The following MBTPS1 variants were observed in gnomAD, a reference collection of about 807,000 sequenced individuals.
MBTPS1 encodes the protein membrane-bound transcription factor site-1 protease.
MBTPS1 carries 94 observed loss-of-function variants against 127.8 expected under a neutral mutation model. The ratio of observed to expected loss-of-function variants is 0.74; its 90% CI spans 0.62 to 0.87. MBTPS1 has a LOEUF of 0.87. MBTPS1 is among the 40% of genes least tolerant of loss of function. The probability of loss-of-function intolerance (pLI) is 0.00; values close to 1 mark genes in which losing one functional copy is unlikely to be tolerated. For synonymous variants in MBTPS1, 632 were observed against 509.4 expected, an observed-to-expected ratio of 1.24 and a Z score of -3.24; for missense variants, 1,636 against 1,353.2, an observed-to-expected ratio of 1.21 and a Z score of -3.28.
At chr16:84,113,275 G>A (rs539717774) in intron 1 of MBTPS1, among the ~76,000 whole-genome samples, 1 of 152,104 alleles carries the variant, frequency 6.6e-6, no homozygotes, top group Admixed American at 6.5e-5. Flanking sequence ...AATGTTAACT[G>A]GATTTAATTT....
At chr16:84,066,413 A>C in intron 17 of MBTPS1, 76 bp downstream of exon 17, 1 of 1,467,118 alleles carries the variant, frequency 6.8e-7, no homozygotes, top group South Asian at 1.3e-5. Flanking sequence ...TCTCTTTCTC[A>C]AGAAATCTAG....
At chr16:84,113,156 A>T (rs529256824) in intron 1 of MBTPS1, among the ~76,000 whole-genome samples, 2 of 152,322 alleles carry the variant, frequency 1.3e-5, no homozygotes, top group South Asian at 4.1e-4. Flanking sequence ...AGGAAAAGAT[A>T]GCCTTTGAAA....
At chr16:84,084,888 G>T in intron 10 of MBTPS1, 95 bp downstream of exon 10, 1 of 1,391,518 alleles carries the variant, frequency 7.2e-7, no homozygotes, top group Non-Finnish European at 9.9e-7. Flanking sequence ...TCAAACCCAA[G>T]ACAGGGCAGA....
rs2086492361 is a variant in MBTPS1 at position 84,116,933 on chromosome 16, T to G, written c.-523A>C. 1 of 152,174 alleles carries G rather than the reference T, an allele frequency of 6.6e-6. No individual in the cohort carries two copies. Among genetic ancestry groups the G allele is most frequent in the Non-Finnish European group, 1.5e-5 (1 of 68,016 alleles). 9.4% of individuals were successfully genotyped at this position (152,174 alleles called of 1,614,324 possible). On this transcript the variant is annotated 5_prime_UTR_variant, in exon 1 of 23. Transcript: ENST00000343411. The stretch of plus-strand genomic sequence containing the variant: ...CTGTCCCGCGCTCCCGGGGCTTGCG[T>G]GCGCGCTCTGGACGCCGTGGGCAGC...
rs143659131 is a variant in MBTPS1, at chr16:84,083,753, C to T, written c.1286+1230G>A. On this transcript the variant is annotated intron_variant, in intron 10 of 22. Coordinates refer to ENST00000343411, the MANE Select transcript of MBTPS1 (RefSeq NM_003791.4). ...ATTAGCATAGAATAACTTCCAAATA[C>T]GCAGAGTTTTGTGTGTTATCACAAC... is the stretch of plus-strand genomic sequence containing the variant. Among the ~76,000 whole-genome samples, 7 of 152,272 alleles carry T rather than the reference C, an allele frequency of 4.6e-5. No individual in the cohort carries two copies. In the East Asian group the frequency reaches 5.8e-4, roughly 13 times the overall value.
rs757974180 is a variant in MBTPS1 at position 84,081,761 on chromosome 16, G to A, written c.1434C>T (p.Tyr478=). 2 of 1,422,366 alleles carry A rather than the reference G, an allele frequency of 1.4e-6. No homozygotes were observed. The highest frequency in any genetic ancestry group is 1.6e-5 in the South Asian group (1 of 61,522). 88.1% of individuals were successfully genotyped at this position (1,422,366 alleles called of 1,614,324 possible). A position where few individuals can be genotyped will look rare whatever the true frequency, so the allele number is the denominator to read the frequency against. The change falls in exon 11 of 23, where the codon TAC becomes TAT. Residue 478 remains tyrosine (Y), a synonymous_variant. Coordinates refer to ENST00000343411, the MANE Select transcript of MBTPS1 (RefSeq NM_003791.4). ...GGTGCACTGACCTTGCCTGTGGCTTGTAGCTGTTGAGGATCTGATAGGCTC... is the reference window on the plus strand; with the variant it reads ...GGTGCACTGACCTTGCCTGTGGCTTATAGCTGTTGAGGATCTGATAGGCTC... ...LLRAYQILNS[Y]KPQASLSPSY... is the part of the protein sequence containing the mutation.
rs2086115757 is a variant in MBTPS1 at position 84,091,924 on chromosome 16, G to C, written c.847-76C>G. ...TGCTAGGACAGTTTTTATTTCTAAG[G>C]CTCTTTTAAAATTACAAGTAGTTCT... is the stretch of plus-strand genomic sequence containing the variant. On this transcript the variant is annotated intron_variant, in intron 6 of 22. Transcript: ENST00000343411. 10 of 858,126 alleles carry C rather than the reference G, an allele frequency of 1.2e-5. No individual in the cohort carries two copies. The South Asian group carries it at 1.4e-4, about 12-fold the overall frequency. 53.2% of individuals were successfully genotyped at this position (858,126 alleles called of 1,614,324 possible).
chr16:84,056,260 T>C (rs2085520378), intron 21 of MBTPS1, 125 bp from the exon 22 acceptor site: 2 of 748,702 alleles, frequency 2.7e-6, no homozygotes, highest in African/African-American at 1.8e-5. Context: ...GAAATGCCAT[T>C]TGCGTCCACG....
At chr16:84,062,473 G>A (rs936648441) in intron 19 of MBTPS1, among the ~76,000 whole-genome samples, 2 of 152,162 alleles carry the variant, frequency 1.3e-5, no homozygotes, top group African/African-American at 4.8e-5. Flanking sequence ...ATAAATGCCA[G>A]GAATGTAGTC....
Position 84,095,816 on chromosome 16 carries a change from G to A in MBTPS1, c.422-11C>T. ...GTACTGTGGGGTCAGCTACAGGCAA[G>A]GGAGAGAAAGATCAGAACAGAAGAG... On this transcript the variant is annotated splice_polypyrimidine_tract_variant and intron_variant, in intron 3 of 22. Coordinates refer to ENST00000343411, the MANE Select transcript of MBTPS1 (RefSeq NM_003791.4). The A allele has an allele frequency of 6.2e-7, 1 of 1,610,564 alleles. No individual in the cohort carries two copies. Among genetic ancestry groups the A allele is most frequent in the African/African-American group, 1.3e-5 (1 of 75,000 alleles).
At chr16:84,068,587 G>A (rs2085725172) in intron 14 of MBTPS1, 133 bp from the exon 15 acceptor site, 2 of 653,444 alleles carry the variant, frequency 3.1e-6, no homozygotes, top group East Asian at 5.4e-5. Context: ...CTGGCCCACT[G>A]GCACAGGCAT....
intron 1 of MBTPS1, among the ~76,000 whole-genome samples, chr16:84,108,977 TAGAA>T (rs1414734524): frequency 6.6e-6 from 1 of 152,206 alleles, no homozygotes; most frequent in Non-Finnish European, 1.5e-5. Context: ...CTAACAGATG[TAGAA>T]AGAAAGAAAT....
At chr16:84,105,167 A>T (rs953825961) in intron 1 of MBTPS1, among the ~76,000 whole-genome samples, 1 of 152,166 alleles carries the variant, frequency 6.6e-6, no homozygotes, top group African/African-American at 2.4e-5. Context: ...CAAATTAAAA[A>T]TAATAATAAA....
Position 84,098,167 on chromosome 16 carries a change from G to A in MBTPS1, c.421+886C>T, listed in dbSNP as rs371745427. On this transcript the variant is annotated intron_variant, in intron 3 of 22. Transcript: ENST00000343411. ...ATGAAGTAGGAAAGACTAAGCCCTG[G>A]AGAAGAAAAGGAAAAGCCAAGTTGC... Among the ~76,000 whole-genome samples the A allele has an allele frequency of 9.1e-4, 138 of 152,250 alleles. 1 individual carries two copies. The highest frequency in any genetic ancestry group is 3.3e-3 in the African/African-American group (136 of 41,544).
intron 2 of MBTPS1, 28 bp from the exon 3 acceptor site, chr16:84,099,338 A>G (rs958676026): frequency 3.1e-6 from 5 of 1,607,708 alleles, no homozygotes; most frequent in Non-Finnish European, 4.2e-6. Context: ...AAACAAAAAT[A>G]AGATTTACGC....
intron 13 of MBTPS1, 126 bp downstream of exon 13, chr16:84,070,462 G>A: frequency 3.3e-6 from 3 of 922,310 alleles, no homozygotes; most frequent in Middle Eastern, 3.4e-4. Flanking sequence ...ATCAATTGTG[G>A]CCATCGAGGA....
rs527266594 is a variant in MBTPS1 at position 84,067,059 on chromosome 16, A to G, written c.2229-446T>C. ...TCCCTTTGAGTAAATTAATTACTAT[A>G]AATATAAGTAAATTAATTATTGTAA... On this transcript the variant is annotated intron_variant, in intron 16 of 22. Coordinates refer to ENST00000343411, the MANE Select transcript of MBTPS1 (RefSeq NM_003791.4). 2.7e-3 allele frequency among the ~76,000 whole-genome samples: 410 copies of G among 152,254 alleles called. 3 individuals carry two copies. Among genetic ancestry groups the G allele is most frequent in the Non-Finnish European group, 4.6e-3 (312 of 68,024 alleles).
Position 84,102,451 on chromosome 16 carries a change from A to AT in MBTPS1, c.-324-345dup, listed in dbSNP as rs2086270514. ...TATTACTCACTGCTTTCACGGGAAAATTTTTTTTAGGCATCTTCAAAAATA... is the reference window on the plus strand; with the variant it reads ...TATTACTCACTGCTTTCACGGGAAAATTTTTTTTTAGGCATCTTCAAAAATA... On this transcript the variant is annotated intron_variant, in intron 1 of 22. Transcript: ENST00000343411. Among the ~76,000 whole-genome samples, 5 of 152,180 alleles carry AT rather than the reference A, an allele frequency of 3.3e-5. No individual in the cohort carries two copies. The South Asian group carries it at 1.0e-3, about 32-fold the overall frequency.
At position 84,060,893 on chromosome 16, in the gene MBTPS1, G is replaced by C; in HGVS notation, c.2573-80C>G. On this transcript the variant is annotated intron_variant, in intron 19 of 22. Coordinates refer to ENST00000343411, the MANE Select transcript of MBTPS1 (RefSeq NM_003791.4). ...CACGCTCTTGTCACCCAGTGCAGTG[G>C]CGCAATCATAGCTCACTGCAGCCTT... The C allele has an allele frequency of 3.6e-6, 5 of 1,380,550 alleles. No homozygotes were observed. In the South Asian group the frequency reaches 6.8e-5, roughly 19 times the overall value. The allele number at this position is 1,380,550 out of a possible 1,614,324, so 85.5% of individuals were successfully genotyped here.
Sources: allele counts gnomAD v4.1 joint callset (sites outside exome capture counted in the v4.1 genomes callset), GRCh38; gene constraint gnomAD v4.1.1; transcripts MANE v1.5; gene names NCBI Gene and HGNC (gene_info 2026-07-23, HGNC 2026-07-21).